PLCB1: variants seen among roughly 807,000 people sequenced by gnomAD.
The protein encoded by PLCB1 is phospholipase C beta 1, also known as 1-phosphatidylinositol 4,5-bisphosphate phosphodiesterase beta-1.
A neutral mutation model predicts 161.8 loss-of-function variants in PLCB1; 46 were observed. The observed-to-expected ratio is 0.28, with a 90% CI of 0.22 to 0.36. PLCB1 has a LOEUF of 0.36. Ranked by LOEUF, PLCB1 falls within the 10% of genes least tolerant of loss-of-function variation. PLCB1 has a pLI of 1.00. For missense variants in PLCB1, 1,016 were observed against 1,472.5 expected, an observed-to-expected ratio of 0.69 and a Z score of 5.07; for synonymous variants, 517 against 503.7, an observed-to-expected ratio of 1.03 and a Z score of -0.35.
chr20:8,832,584 A>G (rs1422708090), intron 31 of PLCB1, among the ~76,000 whole-genome samples: 1 of 152,190 alleles, frequency 6.6e-6, no homozygotes, highest in Non-Finnish European at 1.5e-5. Flanking sequence ...AGTGCAATGT[A>G]TTGCCTTTCC....
chr20:8,745,910 T>C (rs2123533580), intron 23 of PLCB1, among the ~76,000 whole-genome samples: 1 of 152,354 alleles, frequency 6.6e-6, no homozygotes, highest in Middle Eastern at 3.4e-3. Context: ...TATATCCTTC[T>C]AGCATGTTTC....
intron 2 of PLCB1, among the ~76,000 whole-genome samples, chr20:8,290,391 A>G (rs1983332663): frequency 6.6e-6 from 1 of 152,184 alleles, no homozygotes; most frequent in Non-Finnish European, 1.5e-5. Flanking sequence ...GCATTGTCAA[A>G]TAAGTCATAT....
intron 2 of PLCB1, among the ~76,000 whole-genome samples, chr20:8,173,252 G>A (rs1253465350): frequency 1.3e-5 from 2 of 152,118 alleles, no homozygotes; most frequent in Admixed American, 1.3e-4. Context: ...ACCGGTAAGA[G>A]GTATTTCACT....
chr20:8,884,079 G>A lies in PLCB1; in HGVS notation c.*2230G>A, dbSNP rs1988090917. 1 of 152,106 alleles carries A rather than the reference G, an allele frequency of 6.6e-6. No homozygotes were observed. The highest frequency in any genetic ancestry group is 2.4e-5 in the African/African-American group (1 of 41,396). 9.4% of individuals were successfully genotyped at this position (152,106 alleles called of 1,614,324 possible). On this transcript the variant is annotated 3_prime_UTR_variant, in exon 32 of 32. Transcript: ENST00000338037. Reference sequence around the variant, plus strand: ...CTTACACAAAACTGTTTTGGTAGTTGGATTTCATTATCTTAGTGAATTTAG... The same window carrying A: ...CTTACACAAAACTGTTTTGGTAGTTAGATTTCATTATCTTAGTGAATTTAG...
chr20:8,517,268 G>A lies in PLCB1; in HGVS notation c.247-111026G>A, dbSNP rs145474221. Reference sequence around the variant, plus strand: ...ATGCAGGAACAAAACAGAATTTATTGGAACATAGAAAGATATGAAACAACA... The same window carrying A: ...ATGCAGGAACAAAACAGAATTTATTAGAACATAGAAAGATATGAAACAACA... On this transcript the variant is annotated intron_variant, in intron 3 of 31. Transcript: ENST00000338037. Among the ~76,000 whole-genome samples, 588 of 152,244 alleles carry A rather than the reference G, an allele frequency of 3.9e-3. 4 individuals carry two copies. Among genetic ancestry groups the A allele is most frequent in the African/African-American group, 0.013 (524 of 41,550 alleles).
At chr20:8,660,551 A>G (rs796276045) in intron 9 of PLCB1, among the ~76,000 whole-genome samples, 11 of 152,182 alleles carry the variant, frequency 7.2e-5, no homozygotes, top group Admixed American at 1.3e-4. Context: ...CTGGTATCCA[A>G]TGCCTCCATA....
intron 3 of PLCB1, among the ~76,000 whole-genome samples, chr20:8,382,102 T>C (rs549503855): frequency 6.6e-6 from 1 of 152,198 alleles, no homozygotes; most frequent in African/African-American, 2.4e-5. Flanking sequence ...TGCTATAAAG[T>C]TCCCTCTTAA....
intron 31 of PLCB1, among the ~76,000 whole-genome samples, chr20:8,795,361 T>A (rs931010174): frequency 1.3e-5 from 2 of 151,486 alleles, no homozygotes; most frequent in African/African-American, 4.9e-5. Context: ...CACAAAATGA[T>A]GTTGTACATT....
Position 8,650,645 on chromosome 20 carries a change from A to G in PLCB1, c.594+1196A>G, listed in dbSNP as rs1346372890. Among the ~76,000 whole-genome samples, 4 of 152,210 alleles carry G rather than the reference A, an allele frequency of 2.6e-5. No individual in the cohort carries two copies. In the East Asian group the frequency reaches 5.8e-4, roughly 22 times the overall value. ...CAAGAACCCTCGCAGGCTAAGCCCT[A>G]CTTTGGGGCTTTCCAGCCCTGGATC... On this transcript the variant is annotated intron_variant, in intron 7 of 31. Transcript: ENST00000338037.
In PLCB1 at chr20:8,423,547, G is replaced by A. The variant is rs139455574; in HGVS notation, c.246+52097G>A. On this transcript the variant is annotated intron_variant, in intron 3 of 31. Transcript: ENST00000338037. ...ATGCTTGTAGCATGTCCCAGGATCT[G>A]AAGAATTTTTTATATATCAATATTT... 3.3e-5 allele frequency among the ~76,000 whole-genome samples: 5 copies of A among 152,230 alleles called. No homozygotes were observed. The East Asian group carries it at 9.6e-4, about 29-fold the overall frequency.
intron 31 of PLCB1, among the ~76,000 whole-genome samples, chr20:8,849,742 C>T (rs897902291): frequency 4.6e-5 from 7 of 151,746 alleles, no homozygotes; most frequent in African/African-American, 1.5e-4. Flanking sequence ...GGGCTGAGCG[C>T]GATGGCTCAT....
chr20:8,716,338 A>T lies in PLCB1; in HGVS notation c.1325A>T (p.Glu442Val). The change falls in exon 13 of 32, where the codon GAA (glutamate) becomes GTA (valine). Residue 442 changes from glutamate to valine, a missense_variant. Physicochemically the swap from Glu to Val is moderately radical, Grantham distance 121. Coordinates refer to ENST00000338037, the MANE Select transcript of PLCB1 (RefSeq NM_015192.4). ...GATGCCCTTCTCATGGAGCCCCTGG[A>T]AAAATATCCAGTAAGCAGTTCTGAT... is the stretch of plus-strand genomic sequence containing the variant. ...FGDALLMEPL[E>V]KYPLESGVPL... 1 of 1,611,814 alleles carries T rather than the reference A, an allele frequency of 6.2e-7. No homozygotes were observed. Among genetic ancestry groups the T allele is most frequent in the Non-Finnish European group, 8.5e-7 (1 of 1,177,938 alleles).
chr20:8,388,751 CTG>C (rs1001257119), intron 3 of PLCB1, among the ~76,000 whole-genome samples: 2 of 151,994 alleles, frequency 1.3e-5, no homozygotes, highest in African/African-American at 4.8e-5. Context: ...ATTGAATGAT[CTG>C]TGTGTGTGCG....
At chr20:8,879,242 TTGTGAA>T (rs1275236089) in intron 31 of PLCB1, among the ~76,000 whole-genome samples, 1 of 152,042 alleles carries the variant, frequency 6.6e-6, no homozygotes, top group Non-Finnish European at 1.5e-5. Context: ...GTCTTTGCTA[TTGTGAA>T]TAGTGCTATG....
intron 2 of PLCB1, among the ~76,000 whole-genome samples, chr20:8,338,037 C>G (rs1178164965): frequency 2.0e-5 from 3 of 152,136 alleles, no homozygotes; most frequent in African/African-American, 7.2e-5. Context: ...GTAACCAAGA[C>G]TGTGGTTCTC....
chr20:8,687,986 T>G (rs1431520505), intron 10 of PLCB1, among the ~76,000 whole-genome samples: 1 of 152,176 alleles, frequency 6.6e-6, no homozygotes, highest in Admixed American at 6.5e-5. Flanking sequence ...GCTGCATCCA[T>G]GCCAACTTCT....
intron 3 of PLCB1, among the ~76,000 whole-genome samples, chr20:8,616,458 CATTA>C (rs1988042422): frequency 1.3e-5 from 2 of 152,152 alleles, no homozygotes; most frequent in Admixed American, 1.3e-4. Flanking sequence ...TCTCTGATTT[CATTA>C]ATTATGTTAG....
intron 31 of PLCB1, among the ~76,000 whole-genome samples, chr20:8,850,096 A>T (rs900442097): frequency 6.6e-6 from 1 of 152,238 alleles, no homozygotes; most frequent in Non-Finnish European, 1.5e-5. Context: ...TAAAACACGT[A>T]AGTGTAAATG....
intron 31 of PLCB1, among the ~76,000 whole-genome samples, chr20:8,868,794 G>A (rs1003837138): frequency 2.0e-5 from 3 of 152,060 alleles, no homozygotes; most frequent in African/African-American, 7.2e-5. Flanking sequence ...ACCACACGCA[G>A]CCAGTTTTTT....
Sources: gnomAD v4.1 joint callset for allele counts (sites outside exome capture counted in the v4.1 genomes callset) on GRCh38, gnomAD v4.1.1 for gene constraint, MANE v1.5 for transcripts, NCBI Gene and HGNC (gene_info 2026-07-23, HGNC 2026-07-21) for gene names.